Variants in SMAP2 observed in about 807,000 individuals in gnomAD.
The protein encoded by SMAP2 is small ArfGAP2, also known as stromal membrane-associated protein 2.
A neutral mutation model predicts 56.4 loss-of-function variants in SMAP2; 25 were observed. That is an observed-to-expected ratio of 0.44 (90% CI 0.32 to 0.62). The LOEUF (loss-of-function observed/expected upper bound fraction) is 0.62, where lower values mean the gene tolerates loss of function less well. SMAP2 is among the 20% of genes least tolerant of loss of function. The pLI, the probability that SMAP2 is intolerant of heterozygous loss-of-function variation, is 0.04. For synonymous variants in SMAP2, 157 were observed against 181.7 expected, an observed-to-expected ratio of 0.86 and a Z score of 1.09; for missense variants, 388 against 545.6, an observed-to-expected ratio of 0.71 and a Z score of 2.88.
intron 1 of SMAP2, among the ~76,000 whole-genome samples, chr1:40,382,911 T>C (rs950891981): frequency 5.9e-5 from 9 of 152,152 alleles, no homozygotes; most frequent in Non-Finnish European, 7.4e-5. Context: ...TTGTTTCATA[T>C]TAGAAGAGAC....
Position 40,374,257 on chromosome 1 carries a change from G to A in SMAP2, c.103+34G>A. 1 of 1,563,014 alleles carries A rather than the reference G, an allele frequency of 6.4e-7. No individual in the cohort carries two copies. Among genetic ancestry groups the A allele is most frequent in the Non-Finnish European group, 8.7e-7 (1 of 1,145,186 alleles). On this transcript the variant is annotated intron_variant, in intron 1 of 9. Coordinates refer to ENST00000372718, the MANE Select transcript of SMAP2 (RefSeq NM_022733.3). The surrounding 1 kb of genome is among the most constrained non-coding windows in gnomAD (Gnocchi z 5.9). ...TCCCACCTGGCGGGCCAGGGGTCCAGCCGCGCCGGGGTGGTGGGGGTGGGC... is the reference window on the plus strand; with the variant it reads ...TCCCACCTGGCGGGCCAGGGGTCCAACCGCGCCGGGGTGGTGGGGGTGGGC...
intron 9 of SMAP2, 116 bp downstream of exon 9, chr1:40,417,212 G>C: frequency 3.4e-6 from 2 of 594,152 alleles, no homozygotes; most frequent in Non-Finnish European, 5.6e-6. Context: ...TAATGTAAGA[G>C]ACATTGTTAG....
At chr1:40,389,688 C>T (rs1644696499) in intron 1 of SMAP2, among the ~76,000 whole-genome samples, 1 of 152,196 alleles carries the variant, frequency 6.6e-6, no homozygotes, top group African/African-American at 2.4e-5. Flanking sequence ...TGTGACACAT[C>T]ATCCTGGGGA....
At chr1:40,348,723 T>G (rs777831880) in intron 1 of SMAP2, among the ~76,000 whole-genome samples, 39 of 152,120 alleles carry the variant, frequency 2.6e-4, no homozygotes, top group Non-Finnish European at 2.8e-4. Flanking sequence ...TTGCTCTCAC[T>G]AGAAATCAAA....
In SMAP2 at chr1:40,422,014, C is replaced by T; in HGVS notation, c.1203C>T (p.Ala401=). ...QQMAGMNFYG[A]NGMMNYGQSM... ...TGGCTGGGATGAACTTCTATGGAGC[C>T]AATGGCATGATGAACTATGGACAGT... Residue 401 remains alanine (A), a synonymous_variant, in exon 10 of 10, where the codon GCC becomes GCT. Transcript: ENST00000372718. The T allele has an allele frequency of 6.2e-7, 1 of 1,614,134 alleles. No individual in the cohort carries two copies. Among genetic ancestry groups the T allele is most frequent in the Non-Finnish European group, 8.5e-7 (1 of 1,180,014 alleles).
intron 5 of SMAP2, chr1:40,413,884 T>C: frequency 2.9e-6 from 1 of 350,326 alleles, no homozygotes; most frequent in Non-Finnish European, 5.3e-6. Context: ...TTGGATCCCC[T>C]GTTCTGTGGT....
At chr1:40,373,321 A>C (rs2124197068), upstream of SMAP2, among the ~76,000 whole-genome samples, 1 of 152,292 alleles carries the variant, frequency 6.6e-6, no homozygotes, top group South Asian at 2.1e-4. Flanking sequence ...GCTGTTGGAA[A>C]AAACAAGCTG....
intron 1 of SMAP2, among the ~76,000 whole-genome samples, chr1:40,405,098 A>G (rs1342672386): frequency 6.9e-6 from 1 of 144,326 alleles, no homozygotes; most frequent in African/African-American, 2.5e-5. Context: ...CTTTGTCAAA[A>G]AATTACATTC....
At chr1:40,412,458 G>A (rs1644944956) in intron 4 of SMAP2, among the ~76,000 whole-genome samples, 1 of 151,866 alleles carries the variant, frequency 6.6e-6, no homozygotes, top group South Asian at 2.1e-4. Context: ...TATTCTTAAG[G>A]TTACTTTGTG....
At position 40,422,234 on chromosome 1, in the gene SMAP2, G is replaced by A. The variant is rs558904056; in HGVS notation, c.*133G>A. The A allele has an allele frequency of 1.5e-6, 2 of 1,290,720 alleles. No individual in the cohort carries two copies. The highest frequency in any genetic ancestry group is 2.6e-5 in the East Asian group (1 of 38,950). 80.0% of individuals were successfully genotyped at this position (1,290,720 alleles called of 1,614,324 possible). A position where few individuals can be genotyped will look rare whatever the true frequency, so the allele number is the denominator to read the frequency against. ...GAAATTGCTCAATAAGTCATTTGGG[G>A]TTTGGCATCCTGCCCAGCCACTTCC... On this transcript the variant is annotated 3_prime_UTR_variant, in exon 10 of 10. Coordinates refer to ENST00000372718, the MANE Select transcript of SMAP2 (RefSeq NM_022733.3).
At chr1:40,399,465 CT>C (rs938296905) in intron 1 of SMAP2, among the ~76,000 whole-genome samples, 5 of 145,656 alleles carry the variant, frequency 3.4e-5, no homozygotes, top group Admixed American at 6.8e-5. Flanking sequence ...TGGCCCATTT[CT>C]TTTTTTTTTC....
In SMAP2 at chr1:40,360,720, G is replaced by A. The variant is rs533461676; in HGVS notation, c.-82-1580G>A. Among the ~76,000 whole-genome samples, 10 of 152,330 alleles carry A rather than the reference G, an allele frequency of 6.6e-5. No individual in the cohort carries two copies. The East Asian group carries it at 1.2e-3, about 18-fold the overall frequency. ...GAGAGCACAGTGATTGTGGGACTTT[G>A]CATTAGAACTCAGTGCTGCCTTGTC... On this transcript the variant is annotated intron_variant, in intron 1 of 6. Transcript: ENST00000435168.
At chr1:40,409,372 A>G (rs141287682) in intron 3 of SMAP2, among the ~76,000 whole-genome samples, 48 of 152,310 alleles carry the variant, frequency 3.2e-4, no homozygotes, top group African/African-American at 1.1e-3. Flanking sequence ...GCAGTGGGGC[A>G]CAAGAGTTTA....
rs187929914 is a variant in SMAP2 at position 40,358,929 on chromosome 1, C to A, written c.-82-3371C>A. Among the ~76,000 whole-genome samples, 452 of 152,224 alleles carry A rather than the reference C, an allele frequency of 3.0e-3. 5 individuals carry two copies. Among genetic ancestry groups the A allele is most frequent in the African/African-American group, 0.01 (427 of 41,548 alleles). Reference sequence around the variant, plus strand: ...AGTGTTGGATGCAGATATATACATCCTCTTGCTGAATTGATTCCTTTATCA... The same window carrying A: ...AGTGTTGGATGCAGATATATACATCATCTTGCTGAATTGATTCCTTTATCA... On this transcript the variant is annotated intron_variant, in intron 1 of 6. Coordinates refer to the SMAP2 transcript ENST00000435168.
chr1:40,384,983 C>A (rs1644639518), intron 1 of SMAP2, among the ~76,000 whole-genome samples: 1 of 152,158 alleles, frequency 6.6e-6, no homozygotes, highest in Non-Finnish European at 1.5e-5. Flanking sequence ...CTTCTGGATC[C>A]TGTGTTTCCC....
upstream of SMAP2, among the ~76,000 whole-genome samples, chr1:40,372,297 A>T (rs1009731): frequency 0.032 from 4,861 of 151,982 alleles, 115 homozygotes; most frequent in Middle Eastern, 0.055. Context: ...GTTGTTTGAG[A>T]CAGGGTAACG....
In SMAP2 at chr1:40,422,069, A is replaced by G. The variant is rs1645048923; in HGVS notation, c.1258A>G (p.Asn420Asp). 6.2e-7 allele frequency: 1 copy of G among 1,614,072 alleles called. No homozygotes were observed. Among genetic ancestry groups the G allele is most frequent in the Admixed American group, 1.7e-5 (1 of 60,008 alleles). The change falls in exon 10 of 10, where the codon AAT becomes GAT. Residue 420 changes from asparagine to aspartate, a missense_variant. Coordinates refer to ENST00000372718, the MANE Select transcript of SMAP2 (RefSeq NM_022733.3). ...GAGTGGCGGAAATGGACAGGCAGCA[A>G]ATCAGACTCTCAGTCCTCAGATGTG... ...SMSGGNGQAA[N>D]QTLSPQMWK
intron 1 of SMAP2, among the ~76,000 whole-genome samples, chr1:40,358,575 G>C (rs1644446874): frequency 6.6e-6 from 1 of 152,022 alleles, no homozygotes; most frequent in Non-Finnish European, 1.5e-5. Flanking sequence ...CACACACAAA[G>C]TGCTGGGATT....
rs1356670486 is a variant in SMAP2 at position 40,374,842 on chromosome 1, A to G, written c.103+619A>G. The G allele has an allele frequency of 4.5e-6, 7 of 1,538,470 alleles. No homozygotes were observed. Among genetic ancestry groups the G allele is most frequent in the African/African-American group, 1.4e-5 (1 of 72,866 alleles). On this transcript the variant is annotated intron_variant, in intron 1 of 9. Coordinates refer to ENST00000372718, the MANE Select transcript of SMAP2 (RefSeq NM_022733.3). The surrounding 1 kb of genome is among the most constrained non-coding windows in gnomAD (Gnocchi z 5.9). The stretch of plus-strand genomic sequence containing the variant: ...GTGGGAAACTGCCTTATGCAGTGAC[A>G]CAGTGCGGATTTCTAGGCAGTGTAG...
Sources: allele counts gnomAD v4.1 joint callset (sites outside exome capture counted in the v4.1 genomes callset), GRCh38; gene constraint gnomAD v4.1.1; non-coding constraint Gnocchi (gnomAD v3.1); transcripts MANE v1.5; gene names NCBI Gene and HGNC (gene_info 2026-07-23, HGNC 2026-07-21).